The following KIF14 variants were observed in gnomAD, a reference collection of about 807,000 sequenced individuals.
KIF14 encodes the protein kinesin-like protein KIF14.
In KIF14, 98 loss-of-function variants were observed where a neutral mutation model predicts 176.2. That is an observed-to-expected ratio of 0.56 (90% CI 0.47 to 0.66). KIF14 has a LOEUF of 0.66. KIF14 is among the 30% of genes least tolerant of loss of function. KIF14 has a pLI of 0.00. For missense variants in KIF14, 1,751 were observed against 1,920.4 expected, an observed-to-expected ratio of 0.91 and a Z score of 1.65; for synonymous variants, 566 against 632.2, an observed-to-expected ratio of 0.90 and a Z score of 1.57.
intron 22 of KIF14, among the ~76,000 whole-genome samples, chr1:200,571,698 C>T (rs1428914802): frequency 1.3e-5 from 2 of 151,990 alleles, no homozygotes; most frequent in African/African-American, 2.4e-5. Context: ...TGAACTCCTA[C>T]AAGAAAAACA....
At chr1:200,615,985 T>A (rs1036451331) in intron 2 of KIF14, among the ~76,000 whole-genome samples, 1 of 152,114 alleles carries the variant, frequency 6.6e-6, no homozygotes, top group Non-Finnish European at 1.5e-5. Context: ...CCAATCTAAA[T>A]AAAGCTGGCA....
In KIF14 at chr1:200,618,858, T is replaced by A. The variant is rs1660549584; in HGVS notation, c.-115-20A>T. Reference sequence around the variant, plus strand: ...GCTAAACTAAAAGAAAAAAAAAAGATTTAGATCACACAGACTACAAACAAG... The same window carrying A: ...GCTAAACTAAAAGAAAAAAAAAAGAATTAGATCACACAGACTACAAACAAG... On this transcript the variant is annotated intron_variant, in intron 1 of 29. Coordinates refer to ENST00000367350, the MANE Select transcript of KIF14 (RefSeq NM_014875.3). The A allele has an allele frequency of 1.2e-5, 8 of 691,486 alleles. No individual in the cohort carries two copies. The highest frequency in any genetic ancestry group is 1.6e-5 in the Non-Finnish European group (7 of 425,620). 42.8% of individuals were successfully genotyped at this position (691,486 alleles called of 1,614,324 possible). A position where few individuals can be genotyped will look rare whatever the true frequency, so the allele number is the denominator to read the frequency against.
chr1:200,619,299 A>C lies in KIF14; in HGVS notation c.-115-461T>G, dbSNP rs566106417. Among the ~76,000 whole-genome samples, 418 of 124,650 alleles carry C rather than the reference A, an allele frequency of 3.4e-3. 1 individual carries two copies. Among genetic ancestry groups the C allele is most frequent in the African/African-American group, 0.013 (407 of 30,448 alleles). The allele number at this position is 124,650 out of a possible 152,430, so 81.8% of individuals were successfully genotyped here. On this transcript the variant is annotated intron_variant, in intron 1 of 29. Transcript: ENST00000367350. ...AAGTATTTTTATAAATACCTGCTAC[A>C]CGTATTTTTTTTTTTTGCCAATGTT...
At chr1:200,588,250 T>G (rs997219008) in intron 18 of KIF14, among the ~76,000 whole-genome samples, 1 of 145,786 alleles carries the variant, frequency 6.9e-6, no homozygotes, top group Non-Finnish European at 1.5e-5. Flanking sequence ...TTTGTTTTGT[T>G]TTTTTTTTTT....
intron 21 of KIF14, among the ~76,000 whole-genome samples, chr1:200,579,027 T>C (rs1180139751): frequency 3.3e-5 from 5 of 151,376 alleles, no homozygotes; most frequent in Non-Finnish European, 5.9e-5. Context: ...GGAGGTGGAG[T>C]TGCAGTGAGC....
chr1:200,553,405 T>C lies in KIF14; in HGVS notation c.4930A>G (p.Arg1644Gly). The C allele has an allele frequency of 6.2e-7, 1 of 1,610,830 alleles. No homozygotes were observed. The change falls in exon 30 of 30, where the codon AGG (arginine) becomes GGG (glycine). Residue 1644 changes from arginine to glycine, a missense_variant. Arg to Gly is a moderately radical substitution (Grantham distance 125, BLOSUM62 -2). Coordinates refer to ENST00000367350, the MANE Select transcript of KIF14 (RefSeq NM_014875.3). Reference protein sequence around the residue: ...AVSSEECTPSRIQWV With the variant: ...AVSSEECTPSGIQWV ...ATCAGTATTCACACCCACTGAATCC[T>C]ACTGGGTGTGCATTCCTCTGAGCTC...
intron 25 of KIF14, among the ~76,000 whole-genome samples, chr1:200,564,178 C>T (rs897343741): frequency 3.6e-5 from 4 of 109,904 alleles, no homozygotes; most frequent in Non-Finnish European, 6.1e-5. Flanking sequence ...AGGAGAATCG[C>T]TTGAACCCAG....
At position 200,602,087 on chromosome 1, in the gene KIF14, T is replaced by C; in HGVS notation, c.1980-19A>G. Reference sequence around the variant, plus strand: ...TAACAGCCTACAAGAAAAAAAGTCATAAGACTTTGCTTCTACAACAACTTA... The same window carrying C: ...TAACAGCCTACAAGAAAAAAAGTCACAAGACTTTGCTTCTACAACAACTTA... On this transcript the variant is annotated intron_variant, in intron 10 of 29. Coordinates refer to ENST00000367350, the MANE Select transcript of KIF14 (RefSeq NM_014875.3). 2.5e-6 allele frequency: 4 copies of C among 1,604,982 alleles called. No individual in the cohort carries two copies. The highest frequency in any genetic ancestry group is 2.5e-6 in the Non-Finnish European group (3 of 1,177,146).
Position 200,598,218 on chromosome 1 carries a change from T to A in KIF14, c.2549+19A>T. ...TATAGAACAGGTGCCTTTTCTTTTT[T>A]TTTAGAGGATTAACATACCAATGAT... On this transcript the variant is annotated intron_variant, in intron 14 of 29. Coordinates refer to ENST00000367350, the MANE Select transcript of KIF14 (RefSeq NM_014875.3). 1 of 1,594,766 alleles carries A rather than the reference T, an allele frequency of 6.3e-7. No individual in the cohort carries two copies. Among genetic ancestry groups the A allele is most frequent in the Non-Finnish European group, 8.5e-7 (1 of 1,174,284 alleles).
At chr1:200,581,641 T>C (rs932269863) in intron 19 of KIF14, among the ~76,000 whole-genome samples, 2 of 151,984 alleles carry the variant, frequency 1.3e-5, no homozygotes, top group Admixed American at 1.3e-4. Flanking sequence ...TATTCTATAG[T>C]CTTACTTATG....
At chr1:200,582,621 C>T (rs1002762002) in intron 19 of KIF14, among the ~76,000 whole-genome samples, 6 of 151,982 alleles carry the variant, frequency 3.9e-5, no homozygotes, top group African/African-American at 1.2e-4. Context: ...AGACCAAGGC[C>T]GGTGGATCAC....
intron 4 of KIF14, among the ~76,000 whole-genome samples, chr1:200,612,951 G>A (rs528191208): frequency 7.2e-5 from 10 of 139,332 alleles, no homozygotes; most frequent in African/African-American, 2.2e-4. Context: ...GCAGTGGCGC[G>A]ATCTCGGCTC....
rs1333485683 is a variant in KIF14, at chr1:200,565,188, C to G, written c.3952G>C (p.Val1318Leu). The change falls in exon 25 of 30, where the codon GTA becomes CTA. Residue 1318 changes from valine (V) to leucine (L), a missense_variant. Physicochemically the swap from Val to Leu is conservative, Grantham distance 32. Transcript: ENST00000367350. ...CTCAGCCAGTGTTTCATTAGCACTA[C>G]TAGCTGCTCAAAAGCACATGCAGTC... ...IQTACAFEQLVVLMKHWLSDL... is the reference protein window; with the variant it reads ...IQTACAFEQLLVLMKHWLSDL... 2 of 1,613,984 alleles carry G rather than the reference C, an allele frequency of 1.2e-6. No individual in the cohort carries two copies. Among genetic ancestry groups the G allele is most frequent in the African/African-American group, 2.7e-5 (2 of 75,054 alleles).
rs780522819 is a variant in KIF14, at chr1:200,571,294, G to A, written c.3567-1289C>T. 5.2e-5 allele frequency among the ~76,000 whole-genome samples: 7 copies of A among 134,112 alleles called. No individual in the cohort carries two copies. In the East Asian group the frequency reaches 8.8e-4, roughly 17 times the overall value. The allele number at this position is 134,112 out of a possible 152,430, so 88.0% of individuals were successfully genotyped here. ...CATGCCACTGCACTCCAGCCTGGGC[G>A]ACAGAGCAAGACTCCATCTCAAAAA... On this transcript the variant is annotated intron_variant, in intron 22 of 29. Transcript: ENST00000367350.
In KIF14 at chr1:200,554,476, G is replaced by T; in HGVS notation, c.4559C>A (p.Ala1520Glu). 6.6e-7 allele frequency: 1 copy of T among 1,525,608 alleles called. No individual in the cohort carries two copies. Among genetic ancestry groups the T allele is most frequent in the Non-Finnish European group, 9.0e-7 (1 of 1,107,048 alleles). 94.5% of individuals were successfully genotyped at this position (1,525,608 alleles called of 1,614,324 possible). The change falls in exon 29 of 30, where the codon GCA (alanine) becomes GAA (glutamate). Residue 1520 changes from alanine to glutamate, a missense_variant. Physicochemically the swap from Ala to Glu is moderately radical, Grantham distance 107 (BLOSUM62 -1). Coordinates refer to ENST00000367350, the MANE Select transcript of KIF14 (RefSeq NM_014875.3). ...CATTTGGAGAATCATACCTTTCAGT[G>T]CAGAAATAATAATTTCAATAGCTTT... ...LEKAIEIIISALKGCHSDINL... is the reference protein window; with the variant it reads ...LEKAIEIIISELKGCHSDINL...
chr1:200,565,037 T>C, intron 25 of KIF14, 32 bp downstream of exon 25: 5 of 1,506,952 alleles, frequency 3.3e-6, no homozygotes, highest in Non-Finnish European at 4.6e-6. Context: ...ATTAAATGAA[T>C]CCTTCAAATG....
At chr1:200,620,126 G>T (rs1285540950) in intron 1 of KIF14, among the ~76,000 whole-genome samples, 4 of 152,070 alleles carry the variant, frequency 2.6e-5, no homozygotes, top group African/African-American at 9.7e-5. Context: ...AAAAAAATTC[G>T]TCAGCTTATA....
chr1:200,581,076 T>C (rs1658414805), intron 20 of KIF14, 125 bp downstream of exon 20: 1 of 450,704 alleles, frequency 2.2e-6, no homozygotes, highest in Non-Finnish European at 3.7e-6. Context: ...ATTGCGCCAC[T>C]GCACTCCAGC....
At chr1:200,611,879 A>C (rs2809354) in intron 4 of KIF14, among the ~76,000 whole-genome samples, 143,514 of 152,308 alleles carry the variant, frequency 0.94, 67,719 homozygotes, top group Middle Eastern at 0.99. Context: ...TTGTCAATAT[A>C]ATCTCTATTT....
Sources: gnomAD v4.1 joint callset for allele counts (sites outside exome capture counted in the v4.1 genomes callset) on GRCh38, gnomAD v4.1.1 for gene constraint, MANE v1.5 for transcripts, NCBI Gene and HGNC (gene_info 2026-07-23, HGNC 2026-07-21) for gene names.